The following POLR1F variants were observed in gnomAD, a reference collection of about 807,000 sequenced individuals.
POLR1F encodes the protein DNA-directed RNA polymerase I subunit RPA43.
POLR1F carries 23 observed loss-of-function variants against 21.8 expected under a neutral mutation model. The observed-to-expected ratio is 1.05, with a 90% CI of 0.76 to 1.49. The LOEUF is 1.49. POLR1F is among the 40% of genes most tolerant of loss of function. The pLI is 0.00. For missense variants in POLR1F, 435 were observed against 412.1 expected (o/e 1.06, Z -0.48); for synonymous variants, 162 against 152.8 (o/e 1.06, Z -0.45).
At chr7:19,698,793 A>G in intron 3 of POLR1F, 66 bp from the exon 4 acceptor site, 10 of 1,319,876 alleles carry the variant, frequency 7.6e-6, no homozygotes, top group Non-Finnish European at 9.1e-6. Context: ...AATTGAGATC[A>G]AGATATCCCA....
At chr7:19,707,430 C>A (rs1158242511) in intron 1 of POLR1F, among the ~76,000 whole-genome samples, 1 of 152,186 alleles carries the variant, frequency 6.6e-6, no homozygotes. Flanking sequence ...GCAAAATGGC[C>A]ATCCTCTCTG....
Position 19,695,911 on chromosome 7 carries a change from T to C in POLR1F, c.*2405A>G, listed in dbSNP as rs1338004333. ...GTAAAGCATTAAACATTCATTGTTA[T>C]TTGTACTTGTCATTTATACTTGTGT... On this transcript the variant is annotated 3_prime_UTR_variant, in exon 4 of 4. Transcript: ENST00000222567. The C allele has an allele frequency of 6.6e-6, 1 of 152,164 alleles. No individual in the cohort carries two copies. Among genetic ancestry groups the C allele is most frequent in the Non-Finnish European group, 1.5e-5 (1 of 67,986 alleles). The allele number at this position is 152,164 out of a possible 1,614,324, so 9.4% of individuals were successfully genotyped here.
rs1051647984 is a variant in POLR1F at position 19,696,855 on chromosome 7, G to A, written c.*1461C>T. The A allele has an allele frequency of 7.9e-5, 12 of 152,018 alleles. No homozygotes were observed. Among genetic ancestry groups the A allele is most frequent in the Admixed American group, 3.9e-4 (6 of 15,256 alleles). 9.4% of individuals were successfully genotyped at this position (152,018 alleles called of 1,614,324 possible). A position where few individuals can be genotyped will look rare whatever the true frequency, so the allele number is the denominator to read the frequency against. On this transcript the variant is annotated 3_prime_UTR_variant, in exon 4 of 4. Coordinates refer to ENST00000222567, the MANE Select transcript of POLR1F (RefSeq NM_001002926.2). ...ATCTGGTATGTATTTTATACTGACA[G>A]CACATCTCAATTTGGACAAGCTACA...
rs1201788996 is a variant in POLR1F at position 19,696,476 on chromosome 7, G to C, written c.*1840C>G. The C allele has an allele frequency of 1.3e-5, 2 of 152,040 alleles. No individual in the cohort carries two copies. The highest frequency in any genetic ancestry group is 2.9e-5 in the Non-Finnish European group (2 of 67,934). The allele number at this position is 152,040 out of a possible 1,614,324, so 9.4% of individuals were successfully genotyped here. A position where few individuals can be genotyped will look rare whatever the true frequency, so the allele number is the denominator to read the frequency against. The stretch of plus-strand genomic sequence containing the variant: ...CCATCTTTCTTGTGTCTATGGAAAA[G>C]GGGTTTAGAATTGTTTCACTAAAAA... On this transcript the variant is annotated 3_prime_UTR_variant, in exon 4 of 4. Coordinates refer to ENST00000222567, the MANE Select transcript of POLR1F (RefSeq NM_001002926.2).
chr7:19,698,474 C>A lies in POLR1F; in HGVS notation c.859G>T (p.Val287Phe), dbSNP rs750207204. 2 of 1,611,968 alleles carry A rather than the reference C, an allele frequency of 1.2e-6. No individual in the cohort carries two copies. Among genetic ancestry groups the A allele is most frequent in the Non-Finnish European group, 1.7e-6 (2 of 1,179,494 alleles). ...KKKKKKKHQE[V>F]QDQDPVFQGS... ...TGGAAAACAGGGTCCTGGTCCTGAA[C>A]TTCCTGGTGCTTTTTCTTCTTCTTC... Residue 287 changes from valine to phenylalanine, a missense_variant, in exon 4 of 4, where the codon GTT becomes TTT. Transcript: ENST00000222567.
At chr7:19,703,662 A>T (rs1265469618) in intron 2 of POLR1F, among the ~76,000 whole-genome samples, 1 of 152,176 alleles carries the variant, frequency 6.6e-6, no homozygotes, top group Non-Finnish European at 1.5e-5. Flanking sequence ...TGGCGCAATC[A>T]TAGCTCACTG....
At position 19,696,915 on chromosome 7, in the gene POLR1F, G is replaced by A. The variant is rs1783372436; in HGVS notation, c.*1401C>T. ...CTCAATAGTCACATGAATCTCAATTGTAATCAAAGAGGTTGGCCTGCATCC... is the reference window on the plus strand; with the variant it reads ...CTCAATAGTCACATGAATCTCAATTATAATCAAAGAGGTTGGCCTGCATCC... On this transcript the variant is annotated 3_prime_UTR_variant, in exon 4 of 4. Transcript: ENST00000222567. 6.6e-6 allele frequency: 1 copy of A among 152,050 alleles called. No homozygotes were observed. The highest frequency in any genetic ancestry group is 1.5e-5 in the Non-Finnish European group (1 of 67,936). 9.4% of individuals were successfully genotyped at this position (152,050 alleles called of 1,614,324 possible).
chr7:19,701,130 T>A (rs567170068), intron 2 of POLR1F, among the ~76,000 whole-genome samples: 104 of 152,222 alleles, frequency 6.8e-4, no homozygotes, highest in Non-Finnish European at 1.4e-3. Flanking sequence ...TGATCAGAAG[T>A]CTAGTGTTCC....
At chr7:19,701,651 A>G (rs1783447867) in intron 2 of POLR1F, among the ~76,000 whole-genome samples, 1 of 152,170 alleles carries the variant, frequency 6.6e-6, no homozygotes, top group Admixed American at 6.5e-5. Context: ...TACTAGGGAC[A>G]ATAGAGGCTT....
At position 19,705,303 on chromosome 7, in the gene POLR1F, A is replaced by C. The variant is rs556286927; in HGVS notation, c.255-383T>G. The C allele has an allele frequency of 4.4e-5, 7 of 159,150 alleles. No individual in the cohort carries two copies. In the East Asian group the frequency reaches 1.3e-3, roughly 30 times the overall value. 9.9% of individuals were successfully genotyped at this position (159,150 alleles called of 1,614,324 possible). A position where few individuals can be genotyped will look rare whatever the true frequency, so the allele number is the denominator to read the frequency against. ...AAGTTAAAATGATGACTCAAGATACACAGAAACAAAATGCCCAATTAATGC... is the reference window on the plus strand; with the variant it reads ...AAGTTAAAATGATGACTCAAGATACCCAGAAACAAAATGCCCAATTAATGC... On this transcript the variant is annotated intron_variant, in intron 1 of 3. Coordinates refer to ENST00000222567, the MANE Select transcript of POLR1F (RefSeq NM_001002926.2).
At position 19,708,788 on chromosome 7, in the gene POLR1F, C is replaced by A. The variant is rs1469661743; in HGVS notation, c.229G>T (p.Ala77Ser). 1 of 1,613,610 alleles carries A rather than the reference C, an allele frequency of 6.2e-7. No homozygotes were observed. Among genetic ancestry groups the A allele is most frequent in the Admixed American group, 1.7e-5 (1 of 60,028 alleles). The change falls in exon 1 of 4, where the codon GCG becomes TCG. Residue 77 changes from alanine to serine, a missense_variant. Ala to Ser is a moderately conservative substitution (Grantham distance 99). Coordinates refer to ENST00000222567, the MANE Select transcript of POLR1F (RefSeq NM_001002926.2). ...KRTGIREQLD[A>S]ELLRYSESLL... The stretch of plus-strand genomic sequence containing the variant: ...CTCTCAGAATAGCGAAGGAGCTCCG[C>A]ATCAAGCTGTTCTCGAATGCCGGTG...
Position 19,708,990 on chromosome 7 carries a change from C to T in POLR1F, c.27G>A (p.Pro9=), listed in dbSNP as rs769437920. Residue 9 remains proline (P), a synonymous_variant, in exon 1 of 4, where the codon CCG becomes CCA. Coordinates refer to ENST00000222567, the MANE Select transcript of POLR1F (RefSeq NM_001002926.2). Reference sequence around the variant, plus strand: ...ACCCATCAGAAGCCGCCGCTGGCCGCGGCGCCTCTGAGCAACCTGCAGCCA... The same window carrying T: ...ACCCATCAGAAGCCGCCGCTGGCCGTGGCGCCTCTGAGCAACCTGCAGCCA... MAAGCSEA[P]RPAAASDGSL... is the part of the protein sequence containing the mutation. The T allele has an allele frequency of 6.9e-6, 11 of 1,594,262 alleles. No homozygotes were observed. Among genetic ancestry groups the T allele is most frequent in the Middle Eastern group, 2.0e-4 (1 of 5,084 alleles).
At chr7:19,704,271 T>C (rs1406045743) in intron 2 of POLR1F, among the ~76,000 whole-genome samples, 1 of 152,170 alleles carries the variant, frequency 6.6e-6, no homozygotes, top group Non-Finnish European at 1.5e-5. Context: ...AAAGGATCTA[T>C]TTCAGCAGAT....
At position 19,697,775 on chromosome 7, in the gene POLR1F, G is replaced by C. The variant is rs1583400004; in HGVS notation, c.*541C>G. On this transcript the variant is annotated 3_prime_UTR_variant, in exon 4 of 4. Coordinates refer to ENST00000222567, the MANE Select transcript of POLR1F (RefSeq NM_001002926.2). ...CAGTCAGTACTGGCCTGGCTTTTAAGAGCTGTGAAGACTTCAGAAACTTCT... is the reference window on the plus strand; with the variant it reads ...CAGTCAGTACTGGCCTGGCTTTTAACAGCTGTGAAGACTTCAGAAACTTCT... 6.6e-6 allele frequency: 1 copy of C among 152,282 alleles called. No homozygotes were observed. Among genetic ancestry groups the C allele is most frequent in the Non-Finnish European group, 1.5e-5 (1 of 68,120 alleles). The allele number at this position is 152,282 out of a possible 1,614,324, so 9.4% of individuals were successfully genotyped here. A position where few individuals can be genotyped will look rare whatever the true frequency, so the allele number is the denominator to read the frequency against.
rs1229513782 is a variant in POLR1F, at chr7:19,695,938, T to A, written c.*2378A>T. ...TGTACTTGTCATTTATACTTGTGTATCTTATAGACAAAACGGTAAGCCCTT... is the reference window on the plus strand; with the variant it reads ...TGTACTTGTCATTTATACTTGTGTAACTTATAGACAAAACGGTAAGCCCTT... On this transcript the variant is annotated 3_prime_UTR_variant, in exon 4 of 4. Coordinates refer to ENST00000222567, the MANE Select transcript of POLR1F (RefSeq NM_001002926.2). 1 of 152,160 alleles carries A rather than the reference T, an allele frequency of 6.6e-6. No homozygotes were observed. The allele number at this position is 152,160 out of a possible 1,614,324, so 9.4% of individuals were successfully genotyped here. A position where few individuals can be genotyped will look rare whatever the true frequency, so the allele number is the denominator to read the frequency against.
chr7:19,698,716 T>C lies in POLR1F; in HGVS notation c.617A>G (p.Lys206Arg), dbSNP rs753639473. 7.2e-6 allele frequency: 11 copies of C among 1,538,020 alleles called. No homozygotes were observed. The highest frequency in any genetic ancestry group is 9.5e-6 in the Non-Finnish European group (11 of 1,152,700). Residue 206 changes from lysine to arginine, a missense_variant, in exon 4 of 4, where the codon AAG becomes AGG. Physicochemically the swap from Lys to Arg is conservative, Grantham distance 26. Coordinates refer to ENST00000222567, the MANE Select transcript of POLR1F (RefSeq NM_001002926.2). Reference sequence around the variant, plus strand: ...AACTTCTTCAGAAACTTCAGAGCGCTTGAATTGTAAACTATAAATTAACAG... The same window carrying C: ...AACTTCTTCAGAAACTTCAGAGCGCCTGAATTGTAAACTATAAATTAACAG... Reference protein sequence around the residue: ...GKLNITSLQFKRSEVSEEVTE... With the variant: ...GKLNITSLQFRRSEVSEEVTE...
intron 1 of POLR1F, among the ~76,000 whole-genome samples, 176 bp downstream of exon 1, chr7:19,708,587 T>A (rs1256539264): frequency 1.3e-5 from 2 of 152,152 alleles, no homozygotes; most frequent in African/African-American, 4.8e-5. Flanking sequence ...CCTGTATAGA[T>A]CTTTACCAGA....
intron 1 of POLR1F, among the ~76,000 whole-genome samples, chr7:19,708,447 G>C (rs974200831): frequency 6.6e-6 from 1 of 152,094 alleles, no homozygotes; most frequent in African/African-American, 2.4e-5. Flanking sequence ...AACAGAACTG[G>C]GCCTACTAGG....
chr7:19,706,827 A>T lies in POLR1F; in HGVS notation c.255-1907T>A, dbSNP rs1783532407. 2.6e-5 allele frequency among the ~76,000 whole-genome samples: 4 copies of T among 152,320 alleles called. No individual in the cohort carries two copies. The South Asian group carries it at 8.3e-4, about 32-fold the overall frequency. On this transcript the variant is annotated intron_variant, in intron 1 of 3. Coordinates refer to ENST00000222567, the MANE Select transcript of POLR1F (RefSeq NM_001002926.2). ...TTTTCAGATACCATCCTAAATAGGT[A>T]TCAGGGCAAGGTGGTAGCCTCACTT... is the stretch of plus-strand genomic sequence containing the variant.
Sources: gnomAD v4.1 joint callset for allele counts (sites outside exome capture counted in the v4.1 genomes callset) on GRCh38, gnomAD v4.1.1 for gene constraint, MANE v1.5 for transcripts, NCBI Gene and HGNC (gene_info 2026-07-23, HGNC 2026-07-21) for gene names.